Variants in RPS6KC1 observed in about 807,000 individuals in gnomAD.
The protein encoded by RPS6KC1 is ribosomal protein S6 kinase C1.
RPS6KC1 carries 54 observed loss-of-function variants against 103.8 expected under a neutral mutation model. The ratio of observed to expected loss-of-function variants is 0.52; its 90% CI spans 0.42 to 0.65. The LOEUF (loss-of-function observed/expected upper bound fraction) is 0.65, where lower values mean the gene tolerates loss of function less well. RPS6KC1 is among the 30% of genes least tolerant of loss of function. The pLI is 0.00. For synonymous variants in RPS6KC1, 439 were observed against 438.7 expected, an observed-to-expected ratio of 1.00 and a Z score of -0.01; for missense variants, 1,151 against 1,253.8, an observed-to-expected ratio of 0.92 and a Z score of 1.24.
chr1:213,138,326 G>A (rs547578370), intron 6 of RPS6KC1, among the ~76,000 whole-genome samples: 1 of 152,006 alleles, frequency 6.6e-6, no homozygotes, highest in South Asian at 2.1e-4. Flanking sequence ...ACTGTATTGA[G>A]CAAGTCTTTT....
the RPS6KC1 span, among the ~76,000 whole-genome samples, chr1:213,686,015 A>G: frequency 6.6e-6 from 1 of 152,148 alleles, no homozygotes; most frequent in Non-Finnish European, 1.5e-5. Context: ...ACCACACAGA[A>G]TGGTGGCTTG....
the RPS6KC1 span, among the ~76,000 whole-genome samples, chr1:213,468,756 C>T: frequency 6.6e-6 from 1 of 152,192 alleles, no homozygotes; most frequent in Admixed American, 6.5e-5. Context: ...GGCAAACAAA[C>T]ATCTGATGCC....
At chr1:213,252,651 C>G (rs2094566097) in intron 12 of RPS6KC1, among the ~76,000 whole-genome samples, 1 of 151,552 alleles carries the variant, frequency 6.6e-6, no homozygotes, top group Non-Finnish European at 1.5e-5. Flanking sequence ...GTTTTTTTCC[C>G]CCAAAGAGAA....
the RPS6KC1 span, among the ~76,000 whole-genome samples, chr1:213,607,630 A>G: frequency 6.6e-6 from 1 of 151,714 alleles, no homozygotes; most frequent in African/African-American, 2.4e-5. Flanking sequence ...GCAGGGGAAA[A>G]CATTTAAGAT....
the RPS6KC1 span, among the ~76,000 whole-genome samples, chr1:213,292,521 C>A: frequency 1.8e-4 from 27 of 152,218 alleles, no homozygotes; most frequent in East Asian, 5.0e-3. Flanking sequence ...CTTGAGAAAC[C>A]CTTTCCTGTG....
the RPS6KC1 span, among the ~76,000 whole-genome samples, chr1:213,699,277 A>T: frequency 6.6e-6 from 1 of 151,886 alleles, no homozygotes; most frequent in Admixed American, 6.6e-5. Context: ...AATTGTTTCT[A>T]TTTTTAGCTC....
At chr1:213,710,641 A>G in the RPS6KC1 span, among the ~76,000 whole-genome samples, 1 of 152,170 alleles carries the variant, frequency 6.6e-6, no homozygotes, top group Admixed American at 6.5e-5. Context: ...ATGTTTTTGC[A>G]GTGGCTGGTA....
the RPS6KC1 span, among the ~76,000 whole-genome samples, chr1:213,595,426 AG>A: frequency 6.6e-6 from 1 of 152,168 alleles, no homozygotes; most frequent in Non-Finnish European, 1.5e-5. Flanking sequence ...GCAGAGGAAA[AG>A]GTGATGAAAC....
At chr1:213,662,428 ATTT>A in the RPS6KC1 span, among the ~76,000 whole-genome samples, 8 of 120,910 alleles carry the variant, frequency 6.6e-5, no homozygotes, top group Non-Finnish European at 8.4e-5. Flanking sequence ...CACCTGGCTA[ATTT>A]TTTTTTTTTT....
chr1:213,185,370 G>A (rs150645466), intron 8 of RPS6KC1, among the ~76,000 whole-genome samples: 185 of 152,264 alleles, frequency 1.2e-3, no homozygotes, highest in South Asian at 2.9e-3. Context: ...TTAAGGCCTG[G>A]CACAGTGGCT....
the RPS6KC1 span, among the ~76,000 whole-genome samples, chr1:213,411,315 G>T: frequency 6.6e-6 from 1 of 152,356 alleles, no homozygotes; most frequent in South Asian, 2.1e-4. Flanking sequence ...CCGAGAGGGA[G>T]GTGCTGTGGC....
chr1:213,095,868 C>T (rs368857496), intron 3 of RPS6KC1, among the ~76,000 whole-genome samples: 41 of 152,296 alleles, frequency 2.7e-4, no homozygotes, highest in African/African-American at 8.9e-4. Flanking sequence ...GCTCATGGTG[C>T]GTCTTGTCTC....
chr1:213,303,653 C>T, the RPS6KC1 span, among the ~76,000 whole-genome samples: 1 of 152,158 alleles, frequency 6.6e-6, no homozygotes, highest in Non-Finnish European at 1.5e-5. Context: ...CAGCACCTTC[C>T]TCCCAGCCGT....
the RPS6KC1 span, among the ~76,000 whole-genome samples, chr1:213,643,079 AC>A: frequency 6.6e-6 from 1 of 151,788 alleles, no homozygotes; most frequent in East Asian, 1.9e-4. Flanking sequence ...CGGTTTTCTA[AC>A]CTAATTTAAT....
At chr1:213,696,454 A>G in the RPS6KC1 span, among the ~76,000 whole-genome samples, 13 of 149,000 alleles carry the variant, frequency 8.7e-5, no homozygotes, top group African/African-American at 3.3e-4. Flanking sequence ...GTGAGCCGAG[A>G]TCACGCCGTT....
the RPS6KC1 span, among the ~76,000 whole-genome samples, chr1:213,823,774 A>T: frequency 5.2e-4 from 69 of 133,078 alleles, 1 homozygote; most frequent in South Asian, 9.9e-3. Flanking sequence ...CAAACCAATA[A>T]TGATAAAAAT....
At chr1:213,316,108 G>A in the RPS6KC1 span, among the ~76,000 whole-genome samples, 4 of 152,274 alleles carry the variant, frequency 2.6e-5, no homozygotes, top group Admixed American at 1.3e-4. Flanking sequence ...TGGGATCATG[G>A]GGGCAGTTTC....
At chr1:213,437,188 A>G in the RPS6KC1 span, among the ~76,000 whole-genome samples, 1 of 151,964 alleles carries the variant, frequency 6.6e-6, no homozygotes, top group African/African-American at 2.4e-5. Context: ...TAAAATTTCT[A>G]GATTGCAAAG....
At chr1:213,304,030 C>T in the RPS6KC1 span, among the ~76,000 whole-genome samples, 1 of 150,704 alleles carries the variant, frequency 6.6e-6, no homozygotes, top group Non-Finnish European at 1.5e-5. Flanking sequence ...ACGGTGAAAC[C>T]CCGTCTCTAC....
Sources: allele counts gnomAD v4.1 joint callset (sites outside exome capture counted in the v4.1 genomes callset), GRCh38; gene constraint gnomAD v4.1.1; transcripts MANE v1.5; gene names NCBI Gene and HGNC (gene_info 2026-07-23, HGNC 2026-07-21).